The following CNTLN variants were observed in gnomAD, a reference collection of about 807,000 sequenced individuals.
The protein encoded by CNTLN is centlein, also known as centlein, centrosomal protein.
Under a neutral mutation model 180.0 loss-of-function variants are expected in CNTLN, and 212 were observed. That is an observed-to-expected ratio of 1.18 (90% confidence interval 1.05 to 1.32). The LOEUF (loss-of-function observed/expected upper bound fraction) is 1.32. CNTLN is among the 40% of genes most tolerant of loss of function. The probability of loss-of-function intolerance (pLI) is 0.00; values close to 1 mark genes in which losing one functional copy is unlikely to be tolerated. For synonymous variants in CNTLN, 722 were observed against 563.1 expected (o/e 1.28, Z -3.99); for missense variants, 2,095 against 1,610.9 (o/e 1.30, Z -5.14).
At chr9:17,221,223 A>T (rs1268222921) in intron 2 of CNTLN, among the ~76,000 whole-genome samples, 1 of 152,232 alleles carries the variant, frequency 6.6e-6, no homozygotes, top group South Asian at 2.1e-4. Context: ...TTGAGATAAT[A>T]TATTAGTGAC....
intron 2 of CNTLN, among the ~76,000 whole-genome samples, chr9:17,176,860 A>G (rs913067722): frequency 1.3e-5 from 2 of 152,164 alleles, no homozygotes; most frequent in Admixed American, 6.5e-5. Flanking sequence ...ATTTATGTGT[A>G]TAGCGTTGTT....
chr9:17,361,256 C>T (rs1287374669), intron 12 of CNTLN, among the ~76,000 whole-genome samples: 2 of 152,140 alleles, frequency 1.3e-5, no homozygotes, highest in Non-Finnish European at 2.9e-5. Flanking sequence ...GTTCCCCTTC[C>T]TGTGTCCATG....
At chr9:17,435,398 C>T (rs1334894192) in intron 18 of CNTLN, among the ~76,000 whole-genome samples, 1 of 150,824 alleles carries the variant, frequency 6.6e-6, no homozygotes, top group African/African-American at 2.5e-5. Flanking sequence ...GTATAACTAC[C>T]CCTCCAAAAA....
intron 2 of CNTLN, among the ~76,000 whole-genome samples, chr9:17,205,798 C>T (rs1822876987): frequency 1.3e-5 from 2 of 152,180 alleles, no homozygotes; most frequent in Non-Finnish European, 2.9e-5. Context: ...CTACCATTAT[C>T]ACTGTTTTCC....
At chr9:17,298,948 A>C (rs1273170723) in intron 7 of CNTLN, 1 of 985,068 alleles carries the variant, frequency 1.0e-6, no homozygotes, top group East Asian at 1.1e-4. Flanking sequence ...CTAATTAAAA[A>C]AAATACCTTT....
intron 18 of CNTLN, among the ~76,000 whole-genome samples, chr9:17,421,090 T>C (rs1040252114): frequency 6.6e-6 from 1 of 152,152 alleles, no homozygotes; most frequent in Non-Finnish European, 1.5e-5. Context: ...GTTTATAATG[T>C]AGATTAAGTC....
chr9:17,200,932 A>G (rs1445202393), intron 2 of CNTLN, among the ~76,000 whole-genome samples: 1 of 152,218 alleles, frequency 6.6e-6, no homozygotes. Context: ...GAATGTTTCC[A>G]GCTTTTGCTC....
intron 15 of CNTLN, among the ~76,000 whole-genome samples, chr9:17,406,879 G>C (rs1433242982): frequency 6.6e-6 from 1 of 151,434 alleles, no homozygotes; most frequent in Non-Finnish European, 1.5e-5. Context: ...CCCCACCAAG[G>C]GCTCTCCAAT....
Position 17,466,711 on chromosome 9 carries a change from C to G in CNTLN, c.3675C>G (p.Leu1225=), listed in dbSNP as rs1414301431. 7 of 1,607,154 alleles carry G rather than the reference C, an allele frequency of 4.4e-6. No homozygotes were observed. The highest frequency in any genetic ancestry group is 6.0e-6 in the Non-Finnish European group (7 of 1,176,280). ...TGACTGCTGATCTTTTGCAGGATCT[C>G]AAGCTTACTCTCCTAGTATCAAGAA... ...KSKEELEKKD[L]KLTLLVSRIS... Residue 1225 remains leucine, a synonymous_variant, in exon 23 of 26, where the codon CTC becomes CTG. Coordinates refer to ENST00000380647, the MANE Select transcript of CNTLN (RefSeq NM_017738.4).
At chr9:17,434,084 A>G (rs888507180) in intron 18 of CNTLN, among the ~76,000 whole-genome samples, 1 of 152,126 alleles carries the variant, frequency 6.6e-6, no homozygotes, top group Admixed American at 6.5e-5. Context: ...TAACTGCAAG[A>G]TCTGTAGTGA....
At chr9:17,257,620 G>T (rs1490030292) in intron 5 of CNTLN, among the ~76,000 whole-genome samples, 1 of 149,772 alleles carries the variant, frequency 6.7e-6, no homozygotes, top group Admixed American at 6.6e-5. Context: ...CTATTTCTCC[G>T]CATCCTCTCC....
chr9:17,175,908 G>A (rs527813050), intron 2 of CNTLN, among the ~76,000 whole-genome samples: 1 of 151,988 alleles, frequency 6.6e-6, no homozygotes, highest in Admixed American at 6.5e-5. Context: ...TTTAGTGTCC[G>A]TGTTTGCATT....
intron 1 of CNTLN, among the ~76,000 whole-genome samples, chr9:17,138,805 C>T (rs1817889408): frequency 1.3e-5 from 2 of 152,100 alleles, no homozygotes; most frequent in Non-Finnish European, 2.9e-5. Flanking sequence ...ATATTGCCAA[C>T]ACTAAATTAT....
At chr9:17,476,249 G>A (rs1214228610) in intron 23 of CNTLN, among the ~76,000 whole-genome samples, 1 of 152,112 alleles carries the variant, frequency 6.6e-6, no homozygotes, top group Non-Finnish European at 1.5e-5. Flanking sequence ...TGTTCTGACT[G>A]TTCCGCCCAA....
At chr9:17,168,768 T>G (rs1820246865) in intron 2 of CNTLN, among the ~76,000 whole-genome samples, 1 of 152,174 alleles carries the variant, frequency 6.6e-6, no homozygotes, top group Non-Finnish European at 1.5e-5. Flanking sequence ...TTTTTTTCAG[T>G]TTTGGTTTAT....
In CNTLN at chr9:17,202,646, G is replaced by GTTTTTTTTTTTTTT. The variant is rs57960408; in HGVS notation, c.450-23546_450-23533dup. On this transcript the variant is annotated intron_variant, in intron 2 of 25. Coordinates refer to ENST00000380647, the MANE Select transcript of CNTLN (RefSeq NM_017738.4). ...ATCAGAGCCTAGGATTGCAACCTCT[G>GTTTTTTTTTTTTTT]TTTTTTTTTTTTTTTTTTTTTTTTG... Among the ~76,000 whole-genome samples the GTTTTTTTTTTTTTT allele has an allele frequency of 5.9e-4, 42 of 71,460 alleles. 1 individual carries two copies. Among genetic ancestry groups the GTTTTTTTTTTTTTT allele is most frequent in the East Asian group, 2.2e-3 (4 of 1,860 alleles). The allele number at this position is 71,460 out of a possible 152,430, so 46.9% of individuals were successfully genotyped here. A position where few individuals can be genotyped will look rare whatever the true frequency, so the allele number is the denominator to read the frequency against.
chr9:17,494,981 G>A (rs753753383), intron 25 of CNTLN: 2 of 444,628 alleles, frequency 4.5e-6, no homozygotes, highest in Non-Finnish European at 4.5e-6. Flanking sequence ...TGCCAGACTC[G>A]AGCAGTTCTG....
chr9:17,519,919 C>T, the CNTLN span, among the ~76,000 whole-genome samples: 96,259 of 152,032 alleles, frequency 0.63, 35,637 homozygotes, highest in East Asian at 0.97. Context: ...AGAGGCATGC[C>T]GGGAAATGTG....
intron 25 of CNTLN, among the ~76,000 whole-genome samples, chr9:17,499,018 T>C (rs920313479): frequency 7.9e-5 from 12 of 152,206 alleles, no homozygotes; most frequent in African/African-American, 1.4e-4. Flanking sequence ...GAAATAAATA[T>C]GCATTTAATC....
Sources: gnomAD v4.1 joint callset for allele counts (sites outside exome capture counted in the v4.1 genomes callset) on GRCh38, gnomAD v4.1.1 for gene constraint, MANE v1.5 for transcripts, NCBI Gene and HGNC (gene_info 2026-07-23, HGNC 2026-07-21) for gene names.